PDZD9: variants seen among roughly 807,000 people sequenced by gnomAD.
The protein encoded by PDZD9 is PDZ domain containing 9.
A neutral mutation model predicts 16.3 loss-of-function variants in PDZD9; 13 were observed. The observed-to-expected ratio is 0.80, with a 90% confidence interval of 0.52 to 1.27. The LOEUF (loss-of-function observed/expected upper bound fraction) is 1.27, where lower values mean the gene tolerates loss of function less well. PDZD9 is among the 50% of genes most tolerant of loss of function. The probability of loss-of-function intolerance (pLI) is 0.00; values close to 1 mark genes in which losing one functional copy is unlikely to be tolerated. For synonymous variants in PDZD9, 120 were observed against 111.0 expected, an observed-to-expected ratio of 1.08 and a Z score of -0.51; for missense variants, 288 against 310.9, an observed-to-expected ratio of 0.93 and a Z score of 0.55.
intron 2 of PDZD9, 146 bp from the exon 3 acceptor site, chr16:21,988,937 T>G (rs1327941604): frequency 1.4e-5 from 10 of 699,636 alleles, no homozygotes. Flanking sequence ...CCTTTTTTTT[T>G]TTTTTTTTTT....
downstream of PDZD9, chr16:21,980,547 G>C (rs769137921): frequency 6.2e-7 from 1 of 1,613,384 alleles, no homozygotes; most frequent in South Asian, 1.1e-5. Context: ...TATTGGACAG[G>C]AACAAGCTGA....
At chr16:21,995,109 C>T in intron 2 of PDZD9, 1 of 405,126 alleles carries the variant, frequency 2.5e-6, no homozygotes, top group Non-Finnish European at 5.0e-6. Context: ...GTGACTGGAT[C>T]ACAAGGGCAG....
intron 1 of PDZD9, chr16:21,998,364 G>A (rs1490212853): frequency 1.9e-5 from 4 of 212,458 alleles, no homozygotes; most frequent in South Asian, 8.7e-5. Context: ...GCAGAAGTTC[G>A]GGAAGGCAAG....
At position 21,996,491 on chromosome 16, in the gene PDZD9, G is replaced by T. The variant is rs1489883529; in HGVS notation, c.42C>A (p.Val14=). Residue 14 remains valine (V), a synonymous_variant, in exon 2 of 4, where the codon GTC becomes GTA. Transcript: ENST00000424898. ...ASHKNKKERG[V]SNKVKTSVHN... ...GTACAGATGTTTTGACCTTGTTGCT[G>T]ACTCCTCTTTCTAACCAAAAGAGGG... 3 of 1,534,758 alleles carry T rather than the reference G, an allele frequency of 2.0e-6. No individual in the cohort carries two copies. In the Admixed American group the frequency reaches 5.9e-5, roughly 30 times the overall value.
intron 3 of PDZD9, 147 bp from the exon 4 acceptor site, chr16:21,984,807 CT>C (rs1567483907): frequency 1.7e-6 from 1 of 580,066 alleles, no homozygotes; most frequent in Non-Finnish European, 2.7e-6. Flanking sequence ...AAATGTTTCT[CT>C]TTTTTAAATC....
the PDZD9 span, among the ~76,000 whole-genome samples, chr16:21,959,932 G>A: frequency 6.6e-6 from 1 of 152,170 alleles, no homozygotes; most frequent in Non-Finnish European, 1.5e-5. Context: ...AGTCAACCAT[G>A]CTATAAACAG....
chr16:21,995,216 G>T lies in PDZD9; in HGVS notation c.211+1106C>A, dbSNP rs1334263752. ...CCTCCCCCTACTCTCTCTTCCTCCC[G>T]CTCCAACCATGTAAGACATACCTCC... On this transcript the variant is annotated intron_variant, in intron 2 of 3. Coordinates refer to ENST00000424898, the MANE Select transcript of PDZD9 (RefSeq NM_001363519.1). 2.6e-5 allele frequency: 12 copies of T among 457,802 alleles called. No homozygotes were observed. In the Admixed American group the frequency reaches 2.8e-4, roughly 11 times the overall value. The allele number at this position is 457,802 out of a possible 1,614,324, so 28.4% of individuals were successfully genotyped here. A position where few individuals can be genotyped will look rare whatever the true frequency, so the allele number is the denominator to read the frequency against.
chr16:21,982,963 CAAAAAAAA>C (rs1036084484), downstream of PDZD9: 5 of 537,708 alleles, frequency 9.3e-6, no homozygotes, highest in South Asian at 2.3e-5. Flanking sequence ...GACTCCACCT[CAAAAAAAA>C]AAAAAAAAAA....
chr16:21,988,798 A>T lies in PDZD9; in HGVS notation c.212-7T>A. 1 of 1,592,334 alleles carries T rather than the reference A, an allele frequency of 6.3e-7. No individual in the cohort carries two copies. Among genetic ancestry groups the T allele is most frequent in the Non-Finnish European group, 8.5e-7 (1 of 1,173,812 alleles). On this transcript the variant is annotated splice_region_variant and splice_polypyrimidine_tract_variant and intron_variant, in intron 2 of 3. Transcript: ENST00000424898. Reference sequence around the variant, plus strand: ...ACACTAATCAGAACATCACCTGAAGAGGGAAAAAATTATGTATCAGTAAAA... The same window carrying T: ...ACACTAATCAGAACATCACCTGAAGTGGGAAAAAATTATGTATCAGTAAAA...
downstream of PDZD9, among the ~76,000 whole-genome samples, chr16:21,982,772 C>T (rs968083887): frequency 1.4e-4 from 22 of 152,044 alleles, no homozygotes; most frequent in African/African-American, 5.3e-4. Flanking sequence ...TGAGACCAGC[C>T]TGGCCAACAT....
the PDZD9 span, chr16:21,976,391 T>TA: frequency 3.0e-6 from 2 of 661,802 alleles, no homozygotes; most frequent in Non-Finnish European, 5.0e-6. Flanking sequence ...TCCTACCACC[T>TA]AAAGATATAA....
chr16:21,984,754 A>G (rs907076244), intron 3 of PDZD9, 94 bp from the exon 4 acceptor site: 8 of 947,772 alleles, frequency 8.4e-6, no homozygotes, highest in Non-Finnish European at 1.1e-5. Context: ...TTTGACTCAT[A>G]AAAGATACAA....
At chr16:21,983,255 T>C (rs546513901), downstream of PDZD9, 5 of 1,246,420 alleles carry the variant, frequency 4.0e-6, no homozygotes, top group South Asian at 4.3e-5. Flanking sequence ...GTCTCTAATA[T>C]ATCATTTGTC....
At chr16:21,972,211 G>A in the PDZD9 span, 1 of 1,455,944 alleles carries the variant, frequency 6.9e-7, no homozygotes, top group South Asian at 1.3e-5. Flanking sequence ...TAAAATGTAA[G>A]ACAAACACAC....
the PDZD9 span, chr16:21,972,252 C>A: frequency 1.6e-6 from 2 of 1,223,836 alleles, no homozygotes; most frequent in Non-Finnish European, 2.3e-6. Context: ...AAGAGATAGC[C>A]AGGCTTGATT....
Position 21,996,357 on chromosome 16 carries a change from T to C in PDZD9, c.176A>G (p.Lys59Arg). ...PYLQITHLIR[K>R]GAAANDGKLQ... ...TTTCCCGTCGTTGGCTGCAGCCCCC[T>C]TCCTGATGAGGTGGGTGATCTGGAG... Residue 59 changes from lysine to arginine, a missense_variant, in exon 2 of 4, where the codon AAG becomes AGG. Coordinates refer to ENST00000424898, the MANE Select transcript of PDZD9 (RefSeq NM_001363519.1). The C allele has an allele frequency of 1.3e-6, 2 of 1,536,012 alleles. No homozygotes were observed. Among genetic ancestry groups the C allele is most frequent in the Non-Finnish European group, 1.7e-6 (2 of 1,146,858 alleles).
the PDZD9 span, among the ~76,000 whole-genome samples, chr16:21,978,323 G>C: frequency 2.0e-5 from 3 of 152,162 alleles, no homozygotes; most frequent in Non-Finnish European, 4.4e-5. Flanking sequence ...TGTTTAAATG[G>C]AAGTCTTTCT....
At chr16:21,972,926 C>T in the PDZD9 span, among the ~76,000 whole-genome samples, 1 of 152,120 alleles carries the variant, frequency 6.6e-6, no homozygotes, top group Non-Finnish European at 1.5e-5. Flanking sequence ...ACAGTGAAAC[C>T]CTGTCTCTAC....
chr16:21,971,502 T>C, the PDZD9 span: 1 of 1,575,214 alleles, frequency 6.3e-7, no homozygotes, highest in Non-Finnish European at 8.7e-7. Flanking sequence ...GTTCTAGCTT[T>C]GTTTTTGCTT....
Sources: gnomAD v4.1 joint callset for allele counts (sites outside exome capture counted in the v4.1 genomes callset) on GRCh38, gnomAD v4.1.1 for gene constraint, MANE v1.5 for transcripts, NCBI Gene and HGNC (gene_info 2026-07-23, HGNC 2026-07-21) for gene names.